The following CSMD1 variants were observed in gnomAD, a reference collection of about 807,000 sequenced individuals.
CSMD1 encodes CUB and sushi domain-containing protein 1.
A neutral mutation model predicts 417.5 loss-of-function variants in CSMD1; 213 were observed. The ratio of observed to expected loss-of-function variants is 0.51; its 90% confidence interval spans 0.46 to 0.57. CSMD1 has a LOEUF of 0.57. Ranked by LOEUF, CSMD1 falls within the 20% of genes least tolerant of loss-of-function variation. CSMD1 has a pLI of 0.00. For synonymous variants in CSMD1, 2,862 were observed against 1,736.8 expected, an observed-to-expected ratio of 1.65 and a Z score of -16.11; for missense variants, 6,923 against 4,529.7, an observed-to-expected ratio of 1.53 and a Z score of -15.17.
At position 3,262,187 on chromosome 8, in the gene CSMD1, ATATATATATAT is replaced by A. The variant is rs1801121118; in HGVS notation, c.4153+21946_4153+21956del. 3.1e-3 allele frequency among the ~76,000 whole-genome samples: 147 copies of A among 46,788 alleles called. 4 individuals carry two copies. The highest frequency in any genetic ancestry group is 0.013 in the Middle Eastern group (1 of 80). 30.7% of individuals were successfully genotyped at this position (46,788 alleles called of 152,430 possible). A position where few individuals can be genotyped will look rare whatever the true frequency, so the allele number is the denominator to read the frequency against. ...TTTCTAAAATTATGCTCATATGAAT[ATATATATATAT>A]ATATATATATATATATATATATATA... On this transcript the variant is annotated intron_variant, in intron 26 of 69. Coordinates refer to ENST00000635120, the MANE Select transcript of CSMD1 (RefSeq NM_033225.6).
At chr8:4,541,591 T>G (rs983246367) in intron 2 of CSMD1, among the ~76,000 whole-genome samples, 2 of 151,866 alleles carry the variant, frequency 1.3e-5, no homozygotes, top group African/African-American at 4.8e-5. Flanking sequence ...GTACTAAAAA[T>G]GCAAAAATTA....
chr8:3,490,374 G>C (rs1238775942), intron 11 of CSMD1, among the ~76,000 whole-genome samples: 2 of 152,122 alleles, frequency 1.3e-5, no homozygotes, highest in Non-Finnish European at 2.9e-5. Context: ...TAAAAAATGA[G>C]TGTATGATTT....
intron 1 of CSMD1, among the ~76,000 whole-genome samples, chr8:4,806,031 C>G (rs537423068): frequency 1.9e-4 from 29 of 152,278 alleles, no homozygotes; most frequent in African/African-American, 6.5e-4. Flanking sequence ...TCCCATGAAA[C>G]AGACAGTGAG....
intron 2 of CSMD1, among the ~76,000 whole-genome samples, chr8:4,526,507 T>C (rs1278869378): frequency 6.6e-6 from 1 of 152,216 alleles, no homozygotes; most frequent in Non-Finnish European, 1.5e-5. Flanking sequence ...TACACACTCA[T>C]GAAAAAGACA....
chr8:4,144,822 T>G (rs1024245934), intron 3 of CSMD1, among the ~76,000 whole-genome samples: 1 of 151,004 alleles, frequency 6.6e-6, no homozygotes, highest in Admixed American at 6.6e-5. Context: ...AAAGCAACAT[T>G]CGCAATCATT....
intron 3 of CSMD1, among the ~76,000 whole-genome samples, chr8:4,308,101 T>C (rs568506243): frequency 1.3e-5 from 2 of 152,124 alleles, no homozygotes; most frequent in Non-Finnish European, 2.9e-5. Flanking sequence ...GTGGCAGAAG[T>C]GGAGAGGGTG....
At position 4,095,766 on chromosome 8, in the gene CSMD1, C is replaced by T. The variant is rs186349762; in HGVS notation, c.416-63667G>A. On this transcript the variant is annotated intron_variant, in intron 3 of 69. Transcript: ENST00000635120. ...TTTATTTCTCTACATAGTCCTATTACGTGAATTCAGTTCTAAGGTTTTATA... is the reference window on the plus strand; with the variant it reads ...TTTATTTCTCTACATAGTCCTATTATGTGAATTCAGTTCTAAGGTTTTATA... 1.1e-4 allele frequency among the ~76,000 whole-genome samples: 17 copies of T among 152,242 alleles called. No homozygotes were observed. The East Asian group carries it at 1.5e-3, about 14-fold the overall frequency.
At chr8:4,656,339 C>A (rs147589611) in intron 1 of CSMD1, among the ~76,000 whole-genome samples, 34 of 152,092 alleles carry the variant, frequency 2.2e-4, no homozygotes, top group Admixed American at 2.6e-4. Context: ...TAGAGAAGGT[C>A]AGACCAGGCA....
chr8:3,488,934 C>T (rs769192522), intron 11 of CSMD1, among the ~76,000 whole-genome samples: 2 of 151,682 alleles, frequency 1.3e-5, no homozygotes, highest in African/African-American at 2.4e-5. Context: ...TTTTTAAAAC[C>T]GAAAATGTAT....
intron 3 of CSMD1, among the ~76,000 whole-genome samples, chr8:4,053,621 GATTTC>G (rs1798545733): frequency 6.6e-6 from 1 of 151,940 alleles, no homozygotes. Context: ...TATTACTACA[GATTTC>G]ATTTGTCTTG....
At chr8:4,811,820 A>C (rs1201651732) in intron 1 of CSMD1, among the ~76,000 whole-genome samples, 2 of 152,152 alleles carry the variant, frequency 1.3e-5, no homozygotes, top group Non-Finnish European at 2.9e-5. Flanking sequence ...GACATAGGAA[A>C]AGATGTGATT....
At chr8:4,124,670 C>A (rs374939012) in intron 3 of CSMD1, among the ~76,000 whole-genome samples, 1 of 152,220 alleles carries the variant, frequency 6.6e-6, no homozygotes, top group Non-Finnish European at 1.5e-5. Flanking sequence ...AGTGGCTAAT[C>A]TGGCTGGACT....
intron 12 of CSMD1, among the ~76,000 whole-genome samples, chr8:3,420,583 T>G (rs1170363729): frequency 6.6e-6 from 1 of 152,144 alleles, no homozygotes; most frequent in Non-Finnish European, 1.5e-5. Context: ...GCAACTTTTC[T>G]TTAAACCTAA....
intron 3 of CSMD1, among the ~76,000 whole-genome samples, chr8:4,409,942 T>C (rs185732164): frequency 7.9e-5 from 12 of 151,996 alleles, no homozygotes; most frequent in African/African-American, 2.7e-4. Flanking sequence ...GCTTCCCAAG[T>C]AGCTGGGATT....
chr8:4,078,878 T>C (rs1563094853), intron 3 of CSMD1, among the ~76,000 whole-genome samples: 1 of 126,668 alleles, frequency 7.9e-6, no homozygotes, highest in Non-Finnish European at 1.6e-5. Flanking sequence ...TCTACTAAAA[T>C]TAATAATAAT....
At chr8:4,290,553 A>C (rs903206821) in intron 3 of CSMD1, among the ~76,000 whole-genome samples, 1 of 152,202 alleles carries the variant, frequency 6.6e-6, no homozygotes, top group Non-Finnish European at 1.5e-5. Flanking sequence ...AAGATGAAGA[A>C]GGGCCATTCA....
chr8:3,101,799 C>CTTTTTTTTTT (rs530061255), intron 46 of CSMD1, among the ~76,000 whole-genome samples: 4 of 106,348 alleles, frequency 3.8e-5, no homozygotes, highest in Non-Finnish European at 5.7e-5. Context: ...CTTTCTTTTT[C>CTTTTTTTTTT]TTTTTTTTTT....
chr8:3,408,846 G>C (rs1339872926), intron 13 of CSMD1, among the ~76,000 whole-genome samples: 1 of 151,868 alleles, frequency 6.6e-6, no homozygotes, highest in Admixed American at 6.6e-5. Context: ...TTTATCTCTA[G>C]AATACATTTT....
At chr8:3,141,461 A>T (rs190875130) in intron 41 of CSMD1, among the ~76,000 whole-genome samples, 1 of 152,242 alleles carries the variant, frequency 6.6e-6, no homozygotes, top group Admixed American at 6.5e-5. Context: ...TTGCCTGGGG[A>T]CCAGTCTGTC....
Sources: gnomAD v4.1 joint callset for allele counts (sites outside exome capture counted in the v4.1 genomes callset) on GRCh38, gnomAD v4.1.1 for gene constraint, MANE v1.5 for transcripts, NCBI Gene and HGNC (gene_info 2026-07-23, HGNC 2026-07-21) for gene names.